The following SEPTIN7 variants were observed in gnomAD, a reference collection of about 807,000 sequenced individuals.
SEPTIN7 encodes the protein septin 7.
SEPTIN7 carries 10 observed loss-of-function variants against 63.3 expected under a neutral mutation model. That is an observed-to-expected ratio of 0.16 (90% CI 0.10 to 0.27). The LOEUF (loss-of-function observed/expected upper bound fraction) is 0.27, where lower values mean the gene tolerates loss of function less well. SEPTIN7 is among the 10% of genes least tolerant of loss of function. The pLI is 1.00. For synonymous variants in SEPTIN7, 131 were observed against 165.3 expected (o/e 0.79, Z 1.59); for missense variants, 310 against 521.0 (o/e 0.59, Z 3.94).
chr7:35,909,045 C>G (rs570433043), downstream of SEPTIN7, among the ~76,000 whole-genome samples: 6 of 152,188 alleles, frequency 3.9e-5, no homozygotes, highest in African/African-American at 1.4e-4. Context: ...TCTGGCATGG[C>G]CCCTGGTGTT....
rs150855422 is a variant in SEPTIN7 at position 35,833,973 on chromosome 7, A to T, written c.169+1073A>T. Among the ~76,000 whole-genome samples the T allele has an allele frequency of 5.5e-3, 842 of 152,048 alleles. 4 individuals are homozygous for T. Among genetic ancestry groups the T allele is most frequent in the Admixed American group, 0.01 (153 of 15,254 alleles). On this transcript the variant is annotated intron_variant, in intron 3 of 13. Coordinates refer to ENST00000350320, the MANE Select transcript of SEPTIN7 (RefSeq NM_001788.6). ...AACAGGTACAGAATATGCAAATTTG[A>T]TACTTTATAGCATTGGTTACCTTGT...
intron 7 of SEPTIN7, among the ~76,000 whole-genome samples, chr7:35,880,223 C>CTTTTCTTTTTTTTTTTTTT (rs1786768910): frequency 2.7e-5 from 2 of 72,776 alleles, no homozygotes; most frequent in African/African-American, 6.0e-5. Flanking sequence ...TTTTTCTTTT[C>CTTTTCTTTTTTTTTTTTTT]TTTTTTTTTT....
intron 4 of SEPTIN7, 74 bp downstream of exon 4, chr7:35,863,732 A>G: frequency 1.4e-6 from 1 of 730,210 alleles, no homozygotes; most frequent in Non-Finnish European, 2.1e-6. Context: ...TGTAACTTTT[A>G]TTAGGCTTCC....
At chr7:35,914,700 T>A in the SEPTIN7 span, among the ~76,000 whole-genome samples, 1 of 151,822 alleles carries the variant, frequency 6.6e-6, no homozygotes, top group South Asian at 2.1e-4. Flanking sequence ...TATATATAGA[T>A]TATGTACACA....
At chr7:35,879,793 T>C in intron 6 of SEPTIN7, 30 bp from the exon 7 acceptor site, 1 of 1,217,222 alleles carries the variant, frequency 8.2e-7, no homozygotes. Context: ...AACTGATCAA[T>C]TCAGTCAAAT....
chr7:35,913,932 T>G, the SEPTIN7 span, among the ~76,000 whole-genome samples: 4 of 152,160 alleles, frequency 2.6e-5, no homozygotes, highest in Non-Finnish European at 5.9e-5. Context: ...ATTCAAGAAG[T>G]TTGCTTGAAT....
intron 4 of SEPTIN7, among the ~76,000 whole-genome samples, chr7:35,864,231 T>C (rs551463963): frequency 5.9e-4 from 90 of 152,180 alleles, no homozygotes; most frequent in African/African-American, 2.1e-3. Context: ...ACTCCCAAGG[T>C]ATATGTGATC....
chr7:35,911,032 C>G (rs1272192773), downstream of SEPTIN7, among the ~76,000 whole-genome samples: 2 of 152,146 alleles, frequency 1.3e-5, no homozygotes, highest in African/African-American at 4.8e-5. Context: ...TCCTGAGGAC[C>G]CCCCTGGTTG....
At chr7:35,812,862 T>C in intron 1 of SEPTIN7, among the ~76,000 whole-genome samples, 1 of 152,218 alleles carries the variant, frequency 6.6e-6, no homozygotes, top group East Asian at 1.9e-4. Flanking sequence ...CTTCTAGAGC[T>C]CTTGTTAAAA....
chr7:35,889,951 A>G (rs1787535436), intron 10 of SEPTIN7, among the ~76,000 whole-genome samples: 1 of 152,216 alleles, frequency 6.6e-6, no homozygotes, highest in Admixed American at 6.5e-5. Context: ...ATGAGAAGAG[A>G]GAGGACTGAC....
At chr7:35,901,365 C>G (rs886904312) in intron 12 of SEPTIN7, 2 of 152,180 alleles carry the variant, frequency 1.3e-5, no homozygotes, top group African/African-American at 4.8e-5. Flanking sequence ...CAAAACCTAA[C>G]ATGAACTAAG....
intron 6 of SEPTIN7, among the ~76,000 whole-genome samples, chr7:35,875,007 C>CCTG (rs1204500866): frequency 6.6e-6 from 1 of 152,086 alleles, no homozygotes. Flanking sequence ...GAAATCTTAA[C>CCTG]CTGCATTTAA....
intron 12 of SEPTIN7, chr7:35,899,160 T>C (rs1399566050): frequency 6.6e-6 from 1 of 152,126 alleles, no homozygotes. Flanking sequence ...CTGAGAATAG[T>C]AGAAAAAAAA....
intron 6 of SEPTIN7, among the ~76,000 whole-genome samples, chr7:35,874,575 G>A (rs1458570812): frequency 2.6e-5 from 4 of 152,180 alleles, no homozygotes; most frequent in South Asian, 2.1e-4. Context: ...GTAGCATCAG[G>A]CTAAATAGCA....
At chr7:35,819,506 C>G (rs1195519275) in intron 1 of SEPTIN7, among the ~76,000 whole-genome samples, 2 of 152,030 alleles carry the variant, frequency 1.3e-5, no homozygotes, top group East Asian at 1.9e-4. Flanking sequence ...TATCATCTGT[C>G]TAGTTGTTTT....
intron 1 of SEPTIN7, among the ~76,000 whole-genome samples, chr7:35,822,242 A>G (rs367695516): frequency 6.6e-6 from 1 of 151,370 alleles, no homozygotes; most frequent in Non-Finnish European, 1.5e-5. Flanking sequence ...TTTGTATTTT[A>G]GTAGAGACAG....
intron 3 of SEPTIN7, among the ~76,000 whole-genome samples, chr7:35,841,929 C>T (rs1478955730): frequency 6.6e-6 from 1 of 152,060 alleles, no homozygotes; most frequent in African/African-American, 2.4e-5. Context: ...GTGGGTCCAT[C>T]GTTTTCTTAG....
intron 1 of SEPTIN7, among the ~76,000 whole-genome samples, chr7:35,801,663 C>T (rs901024394): frequency 3.2e-4 from 49 of 152,180 alleles, no homozygotes; most frequent in Non-Finnish European, 6.6e-4. Flanking sequence ...GGCCCCGCTT[C>T]CTCCTGTCCC....
intron 1 of SEPTIN7, among the ~76,000 whole-genome samples, chr7:35,828,559 A>G (rs569335020): frequency 2.0e-5 from 3 of 152,174 alleles, no homozygotes; most frequent in Admixed American, 1.3e-4. Context: ...TTGTATTTTT[A>G]GTAGAGATGG....
Sources: gnomAD v4.1 joint callset for allele counts (sites outside exome capture counted in the v4.1 genomes callset) on GRCh38, gnomAD v4.1.1 for gene constraint, MANE v1.5 for transcripts, NCBI Gene and HGNC (gene_info 2026-07-23, HGNC 2026-07-21) for gene names.